The following NECAB2 variants were observed in gnomAD, a reference collection of about 807,000 sequenced individuals.
NECAB2 encodes N-terminal EF-hand calcium-binding protein 2.
A neutral mutation model predicts 51.9 loss-of-function variants in NECAB2; 68 were observed. That is an observed-to-expected ratio of 1.31 (90% CI 1.08 to 1.60). NECAB2 has a LOEUF of 1.60. Among genes scored for constraint, NECAB2 ranks in the 40% most tolerant of loss-of-function variants. NECAB2 has a pLI of 0.00. For missense variants in NECAB2, 854 were observed against 490.3 expected (o/e 1.74, Z -7.00); for synonymous variants, 329 against 203.5 (o/e 1.62, Z -5.25).
intron 2 of NECAB2, among the ~76,000 whole-genome samples, chr16:83,972,799 C>T (rs937654233): frequency 1.3e-5 from 2 of 152,224 alleles, no homozygotes; most frequent in South Asian, 2.1e-4. Context: ...CCACTTCTCC[C>T]GACTCCTTGG....
chr16:83,967,359 ATGGG>A, upstream of NECAB2, among the ~76,000 whole-genome samples: 1 of 128,258 alleles, frequency 7.8e-6, no homozygotes, highest in African/African-American at 2.9e-5. Context: ...TTTTAAATGG[ATGGG>A]TGGATGGATG....
chr16:83,974,987 GGTGCGGGAATGT>G (rs2084390610), intron 2 of NECAB2, among the ~76,000 whole-genome samples: 1 of 136,062 alleles, frequency 7.3e-6, no homozygotes, highest in African/African-American at 3.0e-5. Flanking sequence ...GGGAGGTGTG[GGTGCGGGAATGT>G]GAACCGGTGT....
chr16:83,984,969 A>G (rs1460032352), intron 5 of NECAB2, among the ~76,000 whole-genome samples: 2 of 151,824 alleles, frequency 1.3e-5, no homozygotes, highest in Admixed American at 6.6e-5. Flanking sequence ...GTTCTTTTTC[A>G]TATGTGAAAT....
intron 8 of NECAB2, among the ~76,000 whole-genome samples, chr16:83,995,830 A>T (rs1597222325): frequency 6.6e-6 from 1 of 151,940 alleles, no homozygotes; most frequent in African/African-American, 2.4e-5. Context: ...AGGTGGAGTT[A>T]CCCCCTTCCT....
Position 83,997,227 on chromosome 16 carries a change from C to T in NECAB2, c.807C>T (p.Phe269=), listed in dbSNP as rs372069049. The change falls in exon 9 of 13, where the codon TTC becomes TTT. Residue 269 remains phenylalanine, a synonymous_variant. Transcript: ENST00000305202. ...CTGGATTGTTTCAGGCACTGTGGTT[C>T]GACCTGCAGCAGCGCCTGTCAGATG... ...IGRLESKALW[F]DLQQRLSDED... is the part of the protein sequence containing the mutation. The T allele has an allele frequency of 1.8e-5, 29 of 1,613,972 alleles. No individual in the cohort carries two copies. Among genetic ancestry groups the T allele is most frequent in the Admixed American group, 6.7e-5 (4 of 59,986 alleles).
intron 2 of NECAB2, among the ~76,000 whole-genome samples, chr16:83,974,111 C>A (rs139423902): frequency 6.6e-6 from 1 of 152,192 alleles, no homozygotes; most frequent in African/African-American, 2.4e-5. Context: ...TGTTCCTTCT[C>A]CTTGGGGCTT....
intron 2 of NECAB2, among the ~76,000 whole-genome samples, chr16:83,977,007 A>AG (rs1260060998): frequency 6.6e-6 from 1 of 152,238 alleles, no homozygotes; most frequent in East Asian, 1.9e-4. Flanking sequence ...CACCCACCCG[A>AG]GGAAATGGAG....
At chr16:83,996,661 G>C (rs553464330) in intron 8 of NECAB2, among the ~76,000 whole-genome samples, 1 of 152,146 alleles carries the variant, frequency 6.6e-6, no homozygotes, top group Non-Finnish European at 1.5e-5. Flanking sequence ...CTTCAGAGCC[G>C]GGGTTCTCTG....
chr16:83,981,769 A>G (rs895961923), intron 5 of NECAB2, among the ~76,000 whole-genome samples: 1 of 152,116 alleles, frequency 6.6e-6, no homozygotes, highest in Non-Finnish European at 1.5e-5. Context: ...AGAGTCAGTC[A>G]TCCAGGAGCA....
upstream of NECAB2, chr16:83,965,186 AC>A: frequency 1.2e-6 from 2 of 1,612,502 alleles, no homozygotes; most frequent in Non-Finnish European, 8.5e-7. Flanking sequence ...GGAGTGGGGG[AC>A]CCCCGATCCC....
chr16:84,001,892 G>A lies in NECAB2; in HGVS notation c.1108G>A (p.Ala370Thr), dbSNP rs1456615397. Residue 370 changes from alanine to threonine, a missense_variant, in exon 12 of 13, where the codon GCC becomes ACC. Coordinates refer to ENST00000305202, the MANE Select transcript of NECAB2 (RefSeq NM_019065.3). ...GGTGGACACACTGAGCCAGCCTGAGGCCCTCTCCAGGATCTTGGTGCCAGG... is the reference window on the plus strand; with the variant it reads ...GGTGGACACACTGAGCCAGCCTGAGACCCTCTCCAGGATCTTGGTGCCAGG... ...VKVDTLSQPE[A>T]LSRILVPAAW... 1.9e-6 allele frequency: 3 copies of A among 1,614,040 alleles called. No individual in the cohort carries two copies. The highest frequency in any genetic ancestry group is 2.5e-6 in the Non-Finnish European group (3 of 1,179,918).
rs960966588 is a variant in NECAB2, at chr16:84,002,420, CAG to C, written c.*76_*77del. On this transcript the variant is annotated 3_prime_UTR_variant, in exon 13 of 13. Transcript: ENST00000305202. The stretch of plus-strand genomic sequence containing the variant: ...GAAGGAAATCCCGTTTTTTTCTAGA[CAG>C]ACACTTTGGTGCAGAAGCTTCTTTT... 303 of 1,535,900 alleles carry C rather than the reference CAG, an allele frequency of 2.0e-4. No individual in the cohort carries two copies. Among genetic ancestry groups the C allele is most frequent in the Non-Finnish European group, 2.6e-4 (291 of 1,111,108 alleles).
intron 5 of NECAB2, among the ~76,000 whole-genome samples, chr16:83,982,634 A>C (rs893102075): frequency 6.6e-6 from 1 of 152,194 alleles, no homozygotes; most frequent in African/African-American, 2.4e-5. Context: ...GCTGTGAGGC[A>C]TTCGTAACAT....
chr16:84,002,335 G>A lies in NECAB2; in HGVS notation c.1150G>A (p.Gly384Arg). ...CCTTTTAGCTGCTTGGTGCACGGTG[G>A]GACGGGACTGACAGCCTCCCAGAGG... ...ILVPAAWCTV[G>R]RD The change falls in exon 13 of 13, where the codon GGA (glycine) becomes AGA (arginine). Residue 384 changes from glycine to arginine, a missense_variant. By Grantham distance (125) the Gly-to-Arg change is moderately radical. Transcript: ENST00000305202. 6.2e-7 allele frequency: 1 copy of A among 1,613,986 alleles called. No individual in the cohort carries two copies. Among genetic ancestry groups the A allele is most frequent in the Middle Eastern group, 1.7e-4 (1 of 6,058 alleles).
intron 3 of NECAB2, among the ~76,000 whole-genome samples, chr16:83,980,495 T>C (rs1363636311): frequency 6.6e-6 from 1 of 152,030 alleles, no homozygotes; most frequent in Non-Finnish European, 1.5e-5. Context: ...GATGAGAGCT[T>C]TGCTGACAGC....
intron 2 of NECAB2, among the ~76,000 whole-genome samples, chr16:83,972,860 T>C (rs147007872): frequency 6.6e-6 from 1 of 152,330 alleles, no homozygotes; most frequent in East Asian, 1.9e-4. Flanking sequence ...TAAGCACGTT[T>C]AGGCGGCCCA....
chr16:83,991,667 G>C (rs965678198), intron 6 of NECAB2, among the ~76,000 whole-genome samples: 3 of 151,476 alleles, frequency 2.0e-5, no homozygotes, highest in African/African-American at 7.3e-5. Context: ...TTTATTTATT[G>C]ACACAGAATC....
chr16:83,967,703 G>C (rs1308406424), upstream of NECAB2, among the ~76,000 whole-genome samples: 2 of 137,130 alleles, frequency 1.5e-5, no homozygotes, highest in South Asian at 4.7e-4. Flanking sequence ...CAGATGGATG[G>C]ACGGATGGAT....
At chr16:83,998,992 A>G (rs1233561469) in intron 10 of NECAB2, among the ~76,000 whole-genome samples, 1 of 152,092 alleles carries the variant, frequency 6.6e-6, no homozygotes, top group African/African-American at 2.4e-5. Flanking sequence ...CCGTTTCTGC[A>G]GCAAGGCTCT....
Sources: allele counts gnomAD v4.1 joint callset (sites outside exome capture counted in the v4.1 genomes callset), GRCh38; gene constraint gnomAD v4.1.1; transcripts MANE v1.5; gene names NCBI Gene and HGNC (gene_info 2026-07-23, HGNC 2026-07-21).